GRHL2: variants seen among roughly 807,000 people sequenced by gnomAD.
GRHL2 encodes grainyhead like transcription factor 2.
In GRHL2, 21 loss-of-function variants were observed where a neutral mutation model predicts 83.8. The ratio of observed to expected loss-of-function variants is 0.25; its 90% CI spans 0.18 to 0.36. GRHL2 has a LOEUF of 0.36. Ranked by LOEUF, GRHL2 falls within the 10% of genes least tolerant of loss-of-function variation. GRHL2 has a pLI of 1.00. For synonymous variants in GRHL2, 280 were observed against 278.9 expected, an observed-to-expected ratio of 1.00 and a Z score of -0.04; for missense variants, 623 against 781.8, an observed-to-expected ratio of 0.80 and a Z score of 2.42.
intron 1 of GRHL2, among the ~76,000 whole-genome samples, chr8:101,493,547 G>C (rs1314683079): frequency 6.6e-6 from 1 of 152,170 alleles, no homozygotes; most frequent in Non-Finnish European, 1.5e-5. Flanking sequence ...CCTCGAGTTA[G>C]GGCCTCGGCG....
chr8:101,631,584 G>T, intron 9 of GRHL2, 53 bp from the exon 10 acceptor site: 1 of 1,402,052 alleles, frequency 7.1e-7, no homozygotes, highest in Non-Finnish European at 1.0e-6. Context: ...CATGACTTTT[G>T]CATGCTCTGC....
At chr8:101,503,214 A>G (rs1438010868) in intron 1 of GRHL2, among the ~76,000 whole-genome samples, 1 of 152,214 alleles carries the variant, frequency 6.6e-6, no homozygotes, top group African/African-American at 2.4e-5. Context: ...TCTGCAAACT[A>G]GGATTTTTAA....
chr8:101,625,914 A>G (rs1163585966), intron 9 of GRHL2, among the ~76,000 whole-genome samples: 1 of 151,984 alleles, frequency 6.6e-6, no homozygotes, highest in African/African-American at 2.4e-5. Flanking sequence ...GGAAAATCAT[A>G]AGGAAGAAAT....
chr8:101,537,876 T>G (rs1365881157), intron 1 of GRHL2, among the ~76,000 whole-genome samples: 1 of 152,246 alleles, frequency 6.6e-6, no homozygotes, highest in Non-Finnish European at 1.5e-5. Context: ...GTGTGCATAC[T>G]TCACCATCCT....
chr8:101,642,407 T>G (rs1813419704), intron 12 of GRHL2, among the ~76,000 whole-genome samples: 1 of 152,182 alleles, frequency 6.6e-6, no homozygotes, highest in Non-Finnish European at 1.5e-5. Context: ...GTCACTAGCT[T>G]AGGAACCCTC....
downstream of GRHL2, among the ~76,000 whole-genome samples, chr8:101,672,873 G>A (rs1340618768): frequency 6.6e-6 from 1 of 151,906 alleles, no homozygotes; most frequent in Non-Finnish European, 1.5e-5. Context: ...AACCCTACAA[G>A]CCAGAAGAGA....
the GRHL2 span, among the ~76,000 whole-genome samples, chr8:101,676,761 CAT>C: frequency 6.6e-6 from 1 of 152,134 alleles, no homozygotes; most frequent in Non-Finnish European, 1.5e-5. Flanking sequence ...TACATGCACA[CAT>C]ATGTTTATTG....
chr8:101,537,514 G>T (rs546713072), intron 1 of GRHL2, among the ~76,000 whole-genome samples: 1 of 152,290 alleles, frequency 6.6e-6, no homozygotes, highest in African/African-American at 2.4e-5. Context: ...CTTTGAGCTG[G>T]TTATTAGTAG....
intron 14 of GRHL2, among the ~76,000 whole-genome samples, chr8:101,657,821 C>T (rs1220910527): frequency 7.5e-6 from 1 of 133,390 alleles, no homozygotes; most frequent in African/African-American, 3.0e-5. Flanking sequence ...GCCTGGGCGA[C>T]AGAGCGAAAC....
At chr8:101,671,620 G>A (rs547545943), downstream of GRHL2, among the ~76,000 whole-genome samples, 562 of 152,314 alleles carry the variant, frequency 3.7e-3, 3 homozygotes, top group African/African-American at 0.012. Flanking sequence ...GCAGGGCACA[G>A]ACAAACAAAA....
chr8:101,561,720 A>T (rs376018762), intron 4 of GRHL2, among the ~76,000 whole-genome samples: 2 of 152,202 alleles, frequency 1.3e-5, no homozygotes, highest in African/African-American at 4.8e-5. Flanking sequence ...GTCTAGTGCC[A>T]TTATCCAAAT....
chr8:101,609,560 ACATT>A (rs375660004), intron 8 of GRHL2, among the ~76,000 whole-genome samples: 1 of 151,260 alleles, frequency 6.6e-6, no homozygotes, highest in Non-Finnish European at 1.5e-5. Flanking sequence ...ACGTAGAAAG[ACATT>A]CATTGCAGCA....
At chr8:101,558,910 G>C in intron 4 of GRHL2, 98 bp downstream of exon 4, 1 of 1,266,832 alleles carries the variant, frequency 7.9e-7, no homozygotes, top group East Asian at 2.5e-5. Flanking sequence ...GAATTAAACA[G>C]CAAGTTTTAG....
intron 14 of GRHL2, among the ~76,000 whole-genome samples, chr8:101,657,084 G>A (rs897375873): frequency 6.6e-6 from 1 of 152,072 alleles, no homozygotes; most frequent in Non-Finnish European, 1.5e-5. Flanking sequence ...TCATTCATGT[G>A]TGGAGGCGAT....
chr8:101,586,709 T>C (rs1812178635), intron 7 of GRHL2, among the ~76,000 whole-genome samples: 8 of 152,218 alleles, frequency 5.3e-5, no homozygotes, highest in Admixed American at 5.2e-4. Context: ...GAACAGATGC[T>C]CAACCGATGT....
intron 12 of GRHL2, among the ~76,000 whole-genome samples, chr8:101,642,409 G>A (rs990462612): frequency 6.6e-6 from 1 of 152,156 alleles, no homozygotes; most frequent in African/African-American, 2.4e-5. Flanking sequence ...CACTAGCTTA[G>A]GAACCCTCAC....
intron 11 of GRHL2, 42 bp from the exon 12 acceptor site, chr8:101,636,855 C>G: frequency 6.3e-7 from 1 of 1,592,554 alleles, no homozygotes; most frequent in Non-Finnish European, 8.6e-7. Flanking sequence ...TTTTCCATTT[C>G]TTGTCTCTGA....
chr8:101,569,306 A>C (rs1303639598), intron 4 of GRHL2, among the ~76,000 whole-genome samples: 1 of 152,208 alleles, frequency 6.6e-6, no homozygotes, highest in Non-Finnish European at 1.5e-5. Context: ...TGTGTGTAAT[A>C]CTAAACTTAG....
chr8:101,536,571 G>C (rs1207319730), intron 1 of GRHL2, among the ~76,000 whole-genome samples: 1 of 152,194 alleles, frequency 6.6e-6, no homozygotes, highest in Admixed American at 6.5e-5. Context: ...AAGTAATCCA[G>C]GGTAACACAG....
Sources: allele counts gnomAD v4.1 joint callset (sites outside exome capture counted in the v4.1 genomes callset), GRCh38; gene constraint gnomAD v4.1.1; transcripts MANE v1.5; gene names NCBI Gene and HGNC (gene_info 2026-07-23, HGNC 2026-07-21).